The following SPRY3 variants were observed in gnomAD, a reference collection of about 807,000 sequenced individuals.
SPRY3 encodes sprouty RTK signaling antagonist 3, also known as protein sprouty homolog 3.
Under a neutral mutation model 20.2 loss-of-function variants are expected in SPRY3, and 15 were observed. The observed-to-expected ratio is 0.74, with a 90% CI of 0.50 to 1.14. The LOEUF (loss-of-function observed/expected upper bound fraction) is 1.14. Ranked by LOEUF, SPRY3 falls within the 50% of genes most tolerant of loss-of-function variation. The pLI, the probability that SPRY3 is intolerant of heterozygous loss-of-function variation, is 0.00. For synonymous variants in SPRY3, 143 were observed against 136.5 expected (o/e 1.05, Z -0.33); for missense variants, 364 against 363.9 (o/e 1.00, Z 0.00).
In SPRY3 at chrX:155,652,306, A is replaced by G. The variant is rs1199682503; in HGVS notation, c.-440-4561A>G. Reference sequence around the variant, plus strand: ...TTAAATTATTATTGACTATAGTCACACTGTTGTGCTATCAAATACTAGGTC... The same window carrying G: ...TTAAATTATTATTGACTATAGTCACGCTGTTGTGCTATCAAATACTAGGTC... On this transcript the variant is annotated intron_variant, in intron 1 of 3. Transcript: ENST00000675360. 1.7e-4 allele frequency among the ~76,000 whole-genome samples: 19 copies of G among 111,549 alleles called. 1 individual carries two copies. In the Admixed American group the frequency reaches 1.8e-3, roughly 11 times the overall value.
intron 1 of SPRY3, among the ~76,000 whole-genome samples, chrX:155,632,316 T>C (rs1472760499): frequency 9.0e-6 from 1 of 110,762 alleles, no homozygotes; most frequent in Non-Finnish European, 1.9e-5. Context: ...GAGAAATATA[T>C]TAGTGAGAAG....
At chrX:155,656,698 C>G (rs1413725937) in intron 1 of SPRY3, among the ~76,000 whole-genome samples, 1 of 111,531 alleles carries the variant, frequency 9.0e-6, no homozygotes, top group Non-Finnish European at 1.9e-5. Context: ...GAATTTTCAG[C>G]CTTTTTACGC....
At chrX:155,709,275 A>G (rs1371055021) in intron 2 of SPRY3, among the ~76,000 whole-genome samples, 1 of 151,796 alleles carries the variant, frequency 6.6e-6, no homozygotes, top group Non-Finnish European at 1.5e-5. Flanking sequence ...GTACTAATTT[A>G]CATTCCCGCC....
At chrX:155,635,627 G>C (rs1430507730) in intron 1 of SPRY3, among the ~76,000 whole-genome samples, 1 of 111,905 alleles carries the variant, frequency 8.9e-6, no homozygotes, top group Non-Finnish European at 1.9e-5. Flanking sequence ...CATTATCACT[G>C]GTCATCAGAG....
At chrX:155,692,589 ATTG>A (rs2068106727) in intron 2 of SPRY3, among the ~76,000 whole-genome samples, 1 of 111,728 alleles carries the variant, frequency 9.0e-6, no homozygotes, top group Non-Finnish European at 1.9e-5. Context: ...TGAGGTTTTT[ATTG>A]TTATCGCATT....
intron 2 of SPRY3, among the ~76,000 whole-genome samples, chrX:155,751,635 G>A (rs185634658): frequency 6.6e-6 from 1 of 151,796 alleles, no homozygotes; most frequent in African/African-American, 2.4e-5. Context: ...ATATAGAAAG[G>A]CTATACATGA....
At chrX:155,718,233 A>G (rs1452437187) in intron 2 of SPRY3, among the ~76,000 whole-genome samples, 1 of 152,170 alleles carries the variant, frequency 6.6e-6, no homozygotes, top group Non-Finnish European at 1.5e-5. Flanking sequence ...TGATCTAAAA[A>G]GTTTTTAAAT....
intron 3 of SPRY3, among the ~76,000 whole-genome samples, chrX:155,768,597 G>C (rs1251868891): frequency 6.6e-6 from 1 of 152,172 alleles, no homozygotes; most frequent in South Asian, 2.1e-4. Flanking sequence ...GCATCGTTCA[G>C]ATTTCATCAC....
intron 2 of SPRY3, among the ~76,000 whole-genome samples, chrX:155,662,232 T>C (rs1557353772): frequency 9.0e-6 from 1 of 110,860 alleles, no homozygotes; most frequent in Non-Finnish European, 1.9e-5. Flanking sequence ...CCCCCTTGAG[T>C]GTGTGACTGT....
chrX:155,757,463 A>G (rs776348935), intron 2 of SPRY3, among the ~76,000 whole-genome samples: 1 of 152,256 alleles, frequency 6.6e-6, no homozygotes, highest in East Asian at 1.9e-4. Context: ...TTTGATGGAG[A>G]AAGGAAGATA....
At chrX:155,765,030 C>T (rs1037162118) in intron 2 of SPRY3, among the ~76,000 whole-genome samples, 8 of 152,118 alleles carry the variant, frequency 5.3e-5, no homozygotes, top group Non-Finnish European at 1.0e-4. Flanking sequence ...CAAGGCAGGT[C>T]TTCGGGGCCT....
chrX:155,681,213 G>A lies in SPRY3; in HGVS notation c.-282+24188G>A, dbSNP rs1395020129. The stretch of plus-strand genomic sequence containing the variant: ...TCATGGGGGCGGTTTCCCCCATACT[G>A]TTCTCATGGGAGTAAATAAGTCTCA... On this transcript the variant is annotated intron_variant, in intron 2 of 3. Coordinates refer to ENST00000675360, the Ensembl canonical transcript of SPRY3. 5.4e-5 allele frequency among the ~76,000 whole-genome samples: 6 copies of A among 111,389 alleles called. No homozygotes were observed. The East Asian group carries it at 1.7e-3, about 32-fold the overall frequency.
intron 2 of SPRY3, among the ~76,000 whole-genome samples, chrX:155,696,962 T>G (rs2068120860): frequency 8.9e-6 from 1 of 111,737 alleles, no homozygotes; most frequent in Non-Finnish European, 1.9e-5. Flanking sequence ...TAATGGGTAC[T>G]TACAATGTAC....
At chrX:155,719,599 G>T (rs2091043120) in intron 2 of SPRY3, among the ~76,000 whole-genome samples, 1 of 151,994 alleles carries the variant, frequency 6.6e-6, no homozygotes, top group Admixed American at 6.6e-5. Context: ...AGGAAATAGT[G>T]GGGAGGACTT....
chrX:155,717,905 C>A (rs2091033449), intron 2 of SPRY3, among the ~76,000 whole-genome samples: 1 of 152,050 alleles, frequency 6.6e-6, no homozygotes, highest in African/African-American at 2.4e-5. Flanking sequence ...ATTTTATTGG[C>A]AAACTGCTGA....
chrX:155,674,640 A>G (rs782729248), intron 2 of SPRY3, among the ~76,000 whole-genome samples: 6 of 111,144 alleles, frequency 5.4e-5, no homozygotes, highest in Non-Finnish European at 9.4e-5. Context: ...ATGAGGACTG[A>G]GATTTTACCA....
At chrX:155,752,514 GATAT>G (rs200297132) in intron 2 of SPRY3, among the ~76,000 whole-genome samples, 1 of 150,112 alleles carries the variant, frequency 6.7e-6, no homozygotes, top group Non-Finnish European at 1.5e-5. Context: ...TTAATGTCTT[GATAT>G]ATATATATAT....
chrX:155,615,549 G>A (rs1283068336), intron 1 of SPRY3, among the ~76,000 whole-genome samples: 5 of 112,271 alleles, frequency 4.5e-5, no homozygotes, highest in Non-Finnish European at 7.5e-5. Flanking sequence ...GTGACTTTTA[G>A]CCAGAAAATA....
At chrX:155,736,541 A>T (rs1490159313) in intron 2 of SPRY3, among the ~76,000 whole-genome samples, 1 of 151,932 alleles carries the variant, frequency 6.6e-6, no homozygotes, top group Non-Finnish European at 1.5e-5. Flanking sequence ...GGTATCTGAT[A>T]AGTTTCTGAA....
Sources: gnomAD v4.1 joint callset for allele counts (sites outside exome capture counted in the v4.1 genomes callset) on GRCh38, gnomAD v4.1.1 for gene constraint, MANE v1.5 for transcripts, NCBI Gene and HGNC (gene_info 2026-07-23, HGNC 2026-07-21) for gene names.